Variants in TESK2 observed in about 807,000 individuals in gnomAD.
The protein encoded by TESK2 is testis associated actin remodelling kinase 2.
In TESK2, 39 loss-of-function variants were observed where a neutral mutation model predicts 57.1. That is an observed-to-expected ratio of 0.68 (90% CI 0.53 to 0.89). The LOEUF is 0.89. Ranked by LOEUF, TESK2 falls within the 40% of genes least tolerant of loss-of-function variation. The probability of loss-of-function intolerance (pLI) is 0.00; values close to 1 mark genes in which losing one functional copy is unlikely to be tolerated. For missense variants in TESK2, 646 were observed against 732.1 expected, an observed-to-expected ratio of 0.88 and a Z score of 1.36; for synonymous variants, 249 against 267.9, an observed-to-expected ratio of 0.93 and a Z score of 0.69.
At chr1:45,392,230 C>A (rs528970030) in intron 3 of TESK2, among the ~76,000 whole-genome samples, 1 of 152,276 alleles carries the variant, frequency 6.6e-6, no homozygotes, top group East Asian at 1.9e-4. Flanking sequence ...AGATTACAGG[C>A]ACCTGCCACC....
At chr1:45,488,940 T>G (rs1432491461) in intron 1 of TESK2, among the ~76,000 whole-genome samples, 1 of 152,090 alleles carries the variant, frequency 6.6e-6, no homozygotes, top group Non-Finnish European at 1.5e-5. Flanking sequence ...GGAAGGCAGA[T>G]AGCTTTGAGC....
chr1:45,430,684 GT>G (rs903292808), intron 2 of TESK2, among the ~76,000 whole-genome samples: 29 of 152,146 alleles, frequency 1.9e-4, no homozygotes, highest in African/African-American at 7.0e-4. Flanking sequence ...TGACTTTTGG[GT>G]TTGTGGTGGC....
intron 1 of TESK2, among the ~76,000 whole-genome samples, chr1:45,483,737 C>T (rs1414136738): frequency 6.6e-6 from 1 of 151,922 alleles, no homozygotes; most frequent in African/African-American, 2.4e-5. Context: ...GTGGCTCATG[C>T]CAGTAATTCC....
At chr1:45,366,618 A>G (rs1308477846) in intron 4 of TESK2, among the ~76,000 whole-genome samples, 3 of 152,164 alleles carry the variant, frequency 2.0e-5, no homozygotes, top group African/African-American at 7.2e-5. Context: ...GGCAGGAACT[A>G]GGTCCTGCTC....
At chr1:45,467,576 C>T (rs927426838) in intron 1 of TESK2, among the ~76,000 whole-genome samples, 2 of 151,760 alleles carry the variant, frequency 1.3e-5, no homozygotes, top group East Asian at 1.9e-4. Flanking sequence ...ATGATCCGCC[C>T]GCCTTGGCCT....
intron 5 of TESK2, among the ~76,000 whole-genome samples, chr1:45,354,786 C>CAA (rs869075485): frequency 5.5e-4 from 24 of 43,312 alleles, no homozygotes; most frequent in African/African-American, 9.3e-4. Flanking sequence ...GAGACCGTCT[C>CAA]AAAAAAAAAA....
intron 4 of TESK2, among the ~76,000 whole-genome samples, chr1:45,371,853 G>A (rs946921453): frequency 6.6e-6 from 1 of 152,242 alleles, no homozygotes; most frequent in Non-Finnish European, 1.5e-5. Flanking sequence ...GGGTGACAGC[G>A]AGATCCTGTC....
At chr1:45,436,743 C>T (rs912598038) in intron 2 of TESK2, among the ~76,000 whole-genome samples, 5 of 151,576 alleles carry the variant, frequency 3.3e-5, no homozygotes, top group African/African-American at 1.2e-4. Context: ...CTGCCTTGGC[C>T]TCCCAAAGTG....
At chr1:45,365,053 G>C (rs1647851101) in intron 4 of TESK2, among the ~76,000 whole-genome samples, 1 of 152,188 alleles carries the variant, frequency 6.6e-6, no homozygotes, top group South Asian at 2.1e-4. Context: ...CCGTATGTTT[G>C]TTGGTAGGCT....
chr1:45,347,508 G>C, intron 7 of TESK2, 101 bp downstream of exon 7: 1 of 1,115,380 alleles, frequency 9.0e-7, no homozygotes. Context: ...AGTAAGCCGA[G>C]ATCGTGCCAC....
At chr1:45,439,517 A>C (rs923788067) in intron 2 of TESK2, among the ~76,000 whole-genome samples, 4 of 152,240 alleles carry the variant, frequency 2.6e-5, no homozygotes, top group Non-Finnish European at 5.9e-5. Context: ...ATTATTTATA[A>C]CATTATTCTA....
At chr1:45,465,610 AG>A (rs2149302553) in intron 1 of TESK2, among the ~76,000 whole-genome samples, 1 of 152,312 alleles carries the variant, frequency 6.6e-6, no homozygotes, top group Non-Finnish European at 1.5e-5. Flanking sequence ...ATAGCACAAT[AG>A]ACTAAATTTT....
In TESK2 at chr1:45,355,407, G is replaced by A. The variant is rs1647378084; in HGVS notation, c.436C>T (p.Leu146=). The change falls in exon 5 of 11, where the codon CTG becomes TTG. Residue 146 remains leucine, a synonymous_variant. Coordinates refer to ENST00000372086, the MANE Select transcript of TESK2 (RefSeq NM_007170.3). ...GNLEQLLDSN[L]HLPWTVRVKL... ...ACCCTCACAGTCCAAGGCAAATGCA[G>A]GTTACTGTCTAGCAACTGTTCCAGG... 6.2e-7 allele frequency: 1 copy of A among 1,613,704 alleles called. No homozygotes were observed. Among genetic ancestry groups the A allele is most frequent in the East Asian group, 2.2e-5 (1 of 44,858 alleles).
At position 45,459,000 on chromosome 1, in the gene TESK2, C is replaced by A. The variant is rs773931268; in HGVS notation, c.-86-1129G>T. On this transcript the variant is annotated intron_variant, in intron 1 of 10. Transcript: ENST00000372086. The stretch of plus-strand genomic sequence containing the variant: ...TTCATAAAGGAGGTGGATACCTACT[C>A]AGTTTACCACCACCACTTCTAACCA... 1.7e-3 allele frequency among the ~76,000 whole-genome samples: 256 copies of A among 152,298 alleles called. 1 individual carries two copies. The highest frequency in any genetic ancestry group is 2.4e-3 in the Non-Finnish European group (161 of 68,016).
intron 1 of TESK2, among the ~76,000 whole-genome samples, chr1:45,475,168 C>A (rs1652933509): frequency 6.9e-6 from 1 of 144,468 alleles, no homozygotes; most frequent in Non-Finnish European, 1.5e-5. Context: ...AGAAAGTAAT[C>A]AAGAGGAAAG....
rs1649136608 is a variant in TESK2 at position 45,391,296 on chromosome 1, C to A, written c.345-5336G>T. 3.4e-5 allele frequency among the ~76,000 whole-genome samples: 5 copies of A among 148,802 alleles called. 1 individual carries two copies. In the Admixed American group the frequency reaches 3.4e-4, roughly 10 times the overall value. ...ACAACAGTGTGATTATAGCTCACTG[C>A]AACCTCAACCTCATTGGCTCACGTG... On this transcript the variant is annotated intron_variant, in intron 3 of 10. Transcript: ENST00000372086.
intron 2 of TESK2, among the ~76,000 whole-genome samples, chr1:45,425,048 C>T (rs940550496): frequency 1.3e-5 from 2 of 152,114 alleles, no homozygotes; most frequent in African/African-American, 4.8e-5. Flanking sequence ...TAGTACTGGA[C>T]ACCCTAGCTA....
intron 3 of TESK2, among the ~76,000 whole-genome samples, chr1:45,406,732 CATGAGCTCTATCTAG>C (rs1649865296): frequency 6.6e-6 from 1 of 152,152 alleles, no homozygotes; most frequent in South Asian, 2.1e-4. Flanking sequence ...TCCCAGTCAT[CATGAGCTCTATCTAG>C]ATGATTGCAA....
intron 2 of TESK2, among the ~76,000 whole-genome samples, chr1:45,450,467 G>A (rs903324962): frequency 8.5e-5 from 13 of 152,122 alleles, no homozygotes; most frequent in African/African-American, 2.9e-4. Context: ...AGCTGAGATC[G>A]CACCACTGCA....
Sources: gnomAD v4.1 joint callset for allele counts (sites outside exome capture counted in the v4.1 genomes callset) on GRCh38, gnomAD v4.1.1 for gene constraint, MANE v1.5 for transcripts, NCBI Gene and HGNC (gene_info 2026-07-23, HGNC 2026-07-21) for gene names.